WDFY3: variants seen among roughly 807,000 people sequenced by gnomAD.
The protein encoded by WDFY3 is WD repeat and FYVE domain-containing protein 3.
A neutral mutation model predicts 409.6 loss-of-function variants in WDFY3; 66 were observed. That is an observed-to-expected ratio of 0.16 (90% CI 0.13 to 0.20). WDFY3 has a LOEUF of 0.20. Ranked by LOEUF, WDFY3 falls within the 10% of genes least tolerant of loss-of-function variation. The pLI is 1.00. For missense variants in WDFY3, 3,031 were observed against 4,298.1 expected (o/e 0.71, Z 8.24); for synonymous variants, 1,521 against 1,537.1 (o/e 0.99, Z 0.25).
chr4:84,945,206 G>A (rs1772663005), intron 1 of WDFY3, among the ~76,000 whole-genome samples: 1 of 152,216 alleles, frequency 6.6e-6, no homozygotes, highest in Non-Finnish European at 1.5e-5. Flanking sequence ...AAAACCACCA[G>A]GTGGAAGGAG....
intron 36 of WDFY3, among the ~76,000 whole-genome samples, chr4:84,746,145 CAAAAAAAAA>C (rs761664622): frequency 9.9e-5 from 6 of 60,634 alleles, no homozygotes; most frequent in African/African-American, 3.2e-4. Context: ...CTGTCTCTAC[CAAAAAAAAA>C]AAAAAAAAAA....
intron 12 of WDFY3, among the ~76,000 whole-genome samples, chr4:84,819,825 T>C (rs990182241): frequency 1.3e-5 from 2 of 152,048 alleles, no homozygotes; most frequent in East Asian, 1.9e-4. Context: ...CAATAAAAAA[T>C]TAGAAGAATA....
intron 2 of WDFY3, among the ~76,000 whole-genome samples, chr4:84,919,339 A>T (rs374580753): frequency 6.6e-6 from 1 of 152,150 alleles, no homozygotes; most frequent in Non-Finnish European, 1.5e-5. Context: ...TTATTTTGCA[A>T]CTATAATAGT....
rs75600774 is a variant in WDFY3, at chr4:84,700,673, A to G, written c.8596+1680T>C. Among the ~76,000 whole-genome samples the G allele has an allele frequency of 6.8e-3, 1,037 of 152,370 alleles. 11 individuals are homozygous for G. The highest frequency in any genetic ancestry group is 0.023 in the African/African-American group (968 of 41,584). On this transcript the variant is annotated intron_variant, in intron 56 of 67. Coordinates refer to ENST00000295888, the MANE Select transcript of WDFY3 (RefSeq NM_014991.6). Reference sequence around the variant, plus strand: ...GAACACCTTTGCAACATGGATTATCATAAGTGATAGATGTTTCTGGAAGAT... The same window carrying G: ...GAACACCTTTGCAACATGGATTATCGTAAGTGATAGATGTTTCTGGAAGAT...
intron 12 of WDFY3, among the ~76,000 whole-genome samples, chr4:84,819,773 TAGAA>T (rs1431581836): frequency 1.3e-5 from 2 of 152,116 alleles, no homozygotes; most frequent in African/African-American, 4.8e-5. Context: ...GAAAATATTT[TAGAA>T]AGAATTTAAA....
chr4:84,695,640 A>G (rs1730018404), intron 58 of WDFY3, among the ~76,000 whole-genome samples: 1 of 152,062 alleles, frequency 6.6e-6, no homozygotes, highest in Non-Finnish European at 1.5e-5. Flanking sequence ...GCCTAAAATC[A>G]GCACTGGTTT....
chr4:84,682,342 G>T (rs770553565), intron 64 of WDFY3, 32 bp downstream of exon 64: 8 of 1,582,482 alleles, frequency 5.1e-6, no homozygotes, highest in Non-Finnish European at 6.9e-6. Context: ...ATATGAAAAC[G>T]ATTTGAGTCA....
intron 6 of WDFY3, among the ~76,000 whole-genome samples, chr4:84,837,556 A>G (rs892302618): frequency 6.6e-6 from 1 of 152,242 alleles, no homozygotes; most frequent in South Asian, 2.1e-4. Flanking sequence ...CTGCTTTACT[A>G]TTATTTTTAT....
At chr4:84,950,301 G>A (rs906003233) in intron 1 of WDFY3, among the ~76,000 whole-genome samples, 1 of 151,852 alleles carries the variant, frequency 6.6e-6, no homozygotes, top group African/African-American at 2.4e-5. Context: ...TAATGCATGA[G>A]GGGTTTAAAA....
In WDFY3 at chr4:84,674,989, T is replaced by C. The variant is rs1343533673; in HGVS notation, c.10458-1998A>G. 4.0e-5 allele frequency among the ~76,000 whole-genome samples: 6 copies of C among 151,802 alleles called. No homozygotes were observed. In the East Asian group the frequency reaches 7.8e-4, roughly 20 times the overall value. ...AAATTTATTATCTATTTTTTTGAGA[T>C]GGAGTCTTGCTCTGTTGCTCAGGCT... On this transcript the variant is annotated intron_variant, in intron 67 of 67. Coordinates refer to ENST00000295888, the MANE Select transcript of WDFY3 (RefSeq NM_014991.6).
At chr4:84,749,990 A>G (rs1194505605) in intron 36 of WDFY3, among the ~76,000 whole-genome samples, 1 of 152,232 alleles carries the variant, frequency 6.6e-6, no homozygotes, top group African/African-American at 2.4e-5. Flanking sequence ...TTAATTAGCT[A>G]TTCAGGTACC....
chr4:84,830,401 C>A (rs1323641830), intron 8 of WDFY3, among the ~76,000 whole-genome samples: 1 of 152,090 alleles, frequency 6.6e-6, no homozygotes, highest in East Asian at 1.9e-4. Flanking sequence ...GATGATCTTA[C>A]CCAACTATAG....
At chr4:84,695,891 T>C (rs1413389077) in intron 58 of WDFY3, 79 bp downstream of exon 58, 13 of 1,322,482 alleles carry the variant, frequency 9.8e-6, no homozygotes, top group Middle Eastern at 2.5e-4. Context: ...AACTTAATTA[T>C]TTTGTGGTAA....
chr4:84,897,304 T>C (rs1765768924), intron 2 of WDFY3, among the ~76,000 whole-genome samples: 1 of 152,176 alleles, frequency 6.6e-6, no homozygotes, highest in African/African-American at 2.4e-5. Context: ...AATCATATGG[T>C]ATGGAGGTCA....
At chr4:84,818,325 A>C (rs534621141) in intron 12 of WDFY3, among the ~76,000 whole-genome samples, 5 of 152,220 alleles carry the variant, frequency 3.3e-5, no homozygotes, top group Admixed American at 3.3e-4. Context: ...CCAGTGACTG[A>C]AATCACTAAT....
In WDFY3 at chr4:84,733,499, C is replaced by T; in HGVS notation, c.7104G>A (p.Lys2368=). 1.2e-6 allele frequency: 2 copies of T among 1,614,104 alleles called. No homozygotes were observed. Among genetic ancestry groups the T allele is most frequent in the Non-Finnish European group, 1.7e-6 (2 of 1,180,002 alleles). ...GCCCTTCTGTCATCTCCAGCATCCACTTGTCGAGGTGGGAGCCGATGGGAG... is the reference window on the plus strand; with the variant it reads ...GCCCTTCTGTCATCTCCAGCATCCATTTGTCGAGGTGGGAGCCGATGGGAG... ...WGPPIGSHLD[K]WMLEMTEGPC... Residue 2368 remains lysine, a synonymous_variant, in exon 44 of 68, where the codon AAG becomes AAA. Coordinates refer to ENST00000295888, the MANE Select transcript of WDFY3 (RefSeq NM_014991.6).
intron 2 of WDFY3, among the ~76,000 whole-genome samples, chr4:84,908,210 C>T (rs975557129): frequency 1.3e-5 from 2 of 152,122 alleles, no homozygotes; most frequent in Non-Finnish European, 2.9e-5. Flanking sequence ...TCCTCTAATA[C>T]AGACAGTTAA....
intron 1 of WDFY3, among the ~76,000 whole-genome samples, chr4:84,950,567 G>A (rs1773479712): frequency 1.3e-5 from 2 of 152,104 alleles, no homozygotes; most frequent in African/African-American, 4.8e-5. Context: ...CAAGGCGGGT[G>A]GATCATGATG....
chr4:84,906,471 A>T (rs1345688875), intron 2 of WDFY3, among the ~76,000 whole-genome samples: 2 of 152,186 alleles, frequency 1.3e-5, no homozygotes, highest in African/African-American at 2.4e-5. Context: ...AAATGACTAT[A>T]GCCTCAAAAA....
Sources: gnomAD v4.1 joint callset for allele counts (sites outside exome capture counted in the v4.1 genomes callset) on GRCh38, gnomAD v4.1.1 for gene constraint, MANE v1.5 for transcripts, NCBI Gene and HGNC (gene_info 2026-07-23, HGNC 2026-07-21) for gene names.